ZBBX: variants seen among roughly 807,000 people sequenced by gnomAD.
The protein encoded by ZBBX is zinc finger B-box domain containing, also known as zinc finger B-box domain-containing protein 1.
ZBBX carries 101 observed loss-of-function variants against 108.5 expected under a neutral mutation model. The ratio of observed to expected loss-of-function variants is 0.93; its 90% confidence interval spans 0.79 to 1.10. The LOEUF is 1.10. ZBBX is among the 50% of genes least tolerant of loss of function. The probability of loss-of-function intolerance (pLI) is 0.00; values close to 1 mark genes in which losing one functional copy is unlikely to be tolerated. For missense variants in ZBBX, 1,009 were observed against 941.4 expected (o/e 1.07, Z -0.94); for synonymous variants, 356 against 323.4 (o/e 1.10, Z -1.08).
intron 19 of ZBBX, among the ~76,000 whole-genome samples, chr3:167,288,228 A>C (rs1037461047): frequency 6.6e-6 from 1 of 152,180 alleles, no homozygotes; most frequent in African/African-American, 2.4e-5. Context: ...TAATGTCCTA[A>C]TAATAGTAGT....
intron 6 of ZBBX, among the ~76,000 whole-genome samples, chr3:167,363,790 C>T (rs974805435): frequency 2.0e-5 from 3 of 152,046 alleles, no homozygotes; most frequent in African/African-American, 4.8e-5. Context: ...TTGCTTCCCA[C>T]CGTTTTCTTT....
At chr3:167,375,882 G>T (rs768675817) in intron 2 of ZBBX, among the ~76,000 whole-genome samples, 2 of 152,078 alleles carry the variant, frequency 1.3e-5, no homozygotes, top group Non-Finnish European at 2.9e-5. Flanking sequence ...TTGCCTTATG[G>T]GACTAGTTAT....
chr3:167,386,877 G>A (rs2108635115), intron 1 of ZBBX, among the ~76,000 whole-genome samples: 1 of 152,078 alleles, frequency 6.6e-6, no homozygotes, highest in East Asian at 1.9e-4. Flanking sequence ...AGAGTTACAA[G>A]GTTTGTTTGA....
intron 17 of ZBBX, among the ~76,000 whole-genome samples, chr3:167,301,005 C>T (rs1412586898): frequency 6.7e-6 from 1 of 149,332 alleles, no homozygotes; most frequent in African/African-American, 2.5e-5. Context: ...ATTTGTTGTA[C>T]AGATTATTTC....
intron 1 of ZBBX, among the ~76,000 whole-genome samples, 170 bp downstream of exon 1, chr3:167,380,077 G>T (rs1055106029): frequency 2.0e-5 from 3 of 152,258 alleles, no homozygotes; most frequent in African/African-American, 4.8e-5. Flanking sequence ...TATGGCAGGG[G>T]CTCAGCAAAC....
chr3:167,242,484 T>C (rs199804656), intron 21 of ZBBX, 21 bp downstream of exon 21: 920 of 1,579,092 alleles, frequency 5.8e-4, no homozygotes, highest in Non-Finnish European at 7.5e-4. Context: ...TATTAATAAA[T>C]AAACTGCAGG....
chr3:167,236,292 T>C (rs1193062949), downstream of ZBBX, among the ~76,000 whole-genome samples: 1 of 151,818 alleles, frequency 6.6e-6, no homozygotes, highest in African/African-American at 2.4e-5. Context: ...TTCTGTACTT[T>C]TGATATTGAA....
the ZBBX span, among the ~76,000 whole-genome samples, chr3:167,182,947 C>T: frequency 6.6e-6 from 1 of 152,184 alleles, no homozygotes; most frequent in African/African-American, 2.4e-5. Flanking sequence ...ATCACCCTCT[C>T]ATCTAGCTTG....
the ZBBX span, among the ~76,000 whole-genome samples, chr3:167,222,746 TA>T: frequency 6.6e-6 from 1 of 151,616 alleles, no homozygotes; most frequent in African/African-American, 2.4e-5. Flanking sequence ...AAATGAAACA[TA>T]AAAAATTTTA....
chr3:167,205,439 T>C, the ZBBX span, among the ~76,000 whole-genome samples: 2 of 152,208 alleles, frequency 1.3e-5, no homozygotes, highest in Non-Finnish European at 2.9e-5. Flanking sequence ...TGATCAATCA[T>C]ATAAAGATCT....
intron 9 of ZBBX, among the ~76,000 whole-genome samples, chr3:167,345,538 A>G (rs969304745): frequency 1.3e-5 from 2 of 151,922 alleles, no homozygotes; most frequent in Non-Finnish European, 2.9e-5. Flanking sequence ...CCTGGACTCT[A>G]AAATCATGTG....
intron 9 of ZBBX, among the ~76,000 whole-genome samples, chr3:167,348,610 A>G (rs1243383607): frequency 6.6e-6 from 1 of 152,040 alleles, no homozygotes; most frequent in Non-Finnish European, 1.5e-5. Flanking sequence ...TTAATTGTAC[A>G]CATTTTTTAT....
chr3:167,218,593 C>A, the ZBBX span, among the ~76,000 whole-genome samples: 1 of 151,788 alleles, frequency 6.6e-6, no homozygotes. Context: ...TATTTGCAAG[C>A]CTCTTGGTAA....
At chr3:167,330,005 G>A (rs1036440914) in intron 10 of ZBBX, among the ~76,000 whole-genome samples, 1 of 152,104 alleles carries the variant, frequency 6.6e-6, no homozygotes, top group African/African-American at 2.4e-5. Flanking sequence ...TTACATTTGT[G>A]CAAAACCACA....
chr3:167,200,465 C>G, the ZBBX span, among the ~76,000 whole-genome samples: 1 of 152,078 alleles, frequency 6.6e-6, no homozygotes, highest in African/African-American at 2.4e-5. Context: ...GGTTTTGAAA[C>G]TGGAGCCTGA....
In ZBBX at chr3:167,240,921, T is replaced by G; in HGVS notation, c.2394-2A>C. On this transcript the variant is annotated splice_acceptor_variant, in intron 21 of 21. Coordinates refer to ENST00000675490, the MANE Select transcript of ZBBX (RefSeq NM_001199201.2). LOFTEE classifies it high-confidence loss of function. ...ATTTTGGTATCTCTTCCAGAACAGC[T>G]GAAAATACATAACAAGATCAATACA... 6.2e-7 allele frequency: 1 copy of G among 1,612,572 alleles called. No individual in the cohort carries two copies. The highest frequency in any genetic ancestry group is 8.5e-7 in the Non-Finnish European group (1 of 1,179,098).
chr3:167,319,439 T>C (rs1360935464), intron 12 of ZBBX, among the ~76,000 whole-genome samples: 1 of 152,046 alleles, frequency 6.6e-6, no homozygotes, highest in Non-Finnish European at 1.5e-5. Context: ...AGGGGTACTG[T>C]GGTAGACACA....
At chr3:167,356,830 T>C (rs1237012774) in intron 8 of ZBBX, among the ~76,000 whole-genome samples, 1 of 152,106 alleles carries the variant, frequency 6.6e-6, no homozygotes, top group Non-Finnish European at 1.5e-5. Flanking sequence ...CAATATTACA[T>C]AGACAAATGA....
At chr3:167,187,721 C>T in the ZBBX span, among the ~76,000 whole-genome samples, 9 of 152,172 alleles carry the variant, frequency 5.9e-5, no homozygotes, top group Non-Finnish European at 1.3e-4. Context: ...CTGAAGCAGA[C>T]TACTCGTGGA....
Sources: allele counts gnomAD v4.1 joint callset (sites outside exome capture counted in the v4.1 genomes callset), GRCh38; gene constraint gnomAD v4.1.1; transcripts MANE v1.5; gene names NCBI Gene and HGNC (gene_info 2026-07-23, HGNC 2026-07-21).